The following MRAP variants were observed in gnomAD, a reference collection of about 807,000 sequenced individuals.
The protein encoded by MRAP is melanocortin 2 receptor accessory protein, also known as melanocortin-2 receptor accessory protein.
MRAP carries 8 observed loss-of-function variants against 8.7 expected under a neutral mutation model. That is an observed-to-expected ratio of 0.92 (90% CI 0.54 to 1.66). The LOEUF (loss-of-function observed/expected upper bound fraction) is 1.66. MRAP is among the 40% of genes most tolerant of loss of function. The pLI is 0.00. For missense variants in MRAP, 237 were observed against 217.1 expected (o/e 1.09, Z -0.58); for synonymous variants, 95 against 95.5 (o/e 1.00, Z 0.03).
chr21:32,311,242 A>C, intron 2 of MRAP: 1 of 171,854 alleles, frequency 5.8e-6, no homozygotes, highest in Admixed American at 5.6e-5. Flanking sequence ...ATTACCTCCC[A>C]CTGGGTCCTT....
At chr21:32,296,677 A>G (rs2032145280), upstream of MRAP, among the ~76,000 whole-genome samples, 1 of 152,256 alleles carries the variant, frequency 6.6e-6, no homozygotes, top group African/African-American at 2.4e-5. Flanking sequence ...TTATAACACA[A>G]TGGTAAGGAT....
At chr21:32,291,988 C>T (rs2032057598) in intron 1 of MRAP, 1 of 152,136 alleles carries the variant, frequency 6.6e-6, no homozygotes, top group African/African-American at 2.4e-5. Flanking sequence ...ACTTCAGAGA[C>T]ACATCTCCCA....
At position 32,298,949 on chromosome 21, in the gene MRAP, G is replaced by A. The variant is rs764251414; in HGVS notation, c.-23G>A. ...TCGAGGCGAGGCTGCCGGCCCGGAC[G>A]CTGACTGCCCAGTGCCACAGACATG... On this transcript the variant is annotated 5_prime_UTR_variant, in exon 1 of 3. Coordinates refer to ENST00000303645, the MANE Select transcript of MRAP (RefSeq NM_001379228.1). 16 of 1,586,232 alleles carry A rather than the reference G, an allele frequency of 1.0e-5. No individual in the cohort carries two copies. The highest frequency in any genetic ancestry group is 4.0e-5 in the African/African-American group (3 of 74,354).
At chr21:32,301,471 T>G (rs2032297458) in intron 1 of MRAP, among the ~76,000 whole-genome samples, 1 of 152,212 alleles carries the variant, frequency 6.6e-6, no homozygotes, top group Non-Finnish European at 1.5e-5. Flanking sequence ...ATCGTAAGTT[T>G]CCTGAGGTCT....
Position 32,312,178 on chromosome 21 carries a change from A to G in MRAP, c.*182A>G. ...GATTGCAGTGGCCCCTCGAGTGCAGAGGTCATCCCAGGTGTTGCTGAGTTT... is the reference window on the plus strand; with the variant it reads ...GATTGCAGTGGCCCCTCGAGTGCAGGGGTCATCCCAGGTGTTGCTGAGTTT... On this transcript the variant is annotated 3_prime_UTR_variant, in exon 3 of 3. Coordinates refer to ENST00000303645, the MANE Select transcript of MRAP (RefSeq NM_001379228.1). 6.6e-7 allele frequency: 1 copy of G among 1,504,226 alleles called. No individual in the cohort carries two copies. The highest frequency in any genetic ancestry group is 8.8e-7 in the Non-Finnish European group (1 of 1,130,098). The allele number at this position is 1,504,226 out of a possible 1,614,324, so 93.2% of individuals were successfully genotyped here.
chr21:32,308,653 TCACCCGAAGAGGGCCTGTCCAGTGGCTGG>T lies in MRAP; in HGVS notation c.206+1916_206+1944del, dbSNP rs1204833686. On this transcript the variant is annotated intron_variant, in intron 2 of 2. Transcript: ENST00000303645. ...GAGGGACCCTATATTTTGCCATCGC[TCACCCGAAGAGGGCCTGTCCAGTGGCTGG>T]CCCATGCCCTTGGAAACGTGTGCCC... 8 of 152,834 alleles carry T rather than the reference TCACCCGAAGAGGGCCTGTCCAGTGGCTGG, an allele frequency of 5.2e-5. 1 individual carries two copies. The East Asian group carries it at 1.5e-3, about 30-fold the overall frequency. The allele number at this position is 152,834 out of a possible 1,614,324, so 9.5% of individuals were successfully genotyped here.
At chr21:32,293,787 ATATAAG>A (rs1333890827) in intron 2 of MRAP, among the ~76,000 whole-genome samples, 2 of 152,254 alleles carry the variant, frequency 1.3e-5, no homozygotes, top group East Asian at 1.9e-4. Context: ...GTATTTGTTA[ATATAAG>A]TATGTCATTA....
chr21:32,295,555 C>T (rs113822671), upstream of MRAP, among the ~76,000 whole-genome samples: 7,090 of 152,196 alleles, frequency 0.047, 228 homozygotes, highest in Non-Finnish European at 0.073. Context: ...GATGTTTGCC[C>T]GACACTCCTG....
upstream of MRAP, among the ~76,000 whole-genome samples, chr21:32,295,030 T>C (rs2032115744): frequency 6.6e-6 from 1 of 151,438 alleles, no homozygotes; most frequent in Non-Finnish European, 1.5e-5. Flanking sequence ...AATATAGTAT[T>C]CTATCCAAGG....
At chr21:32,303,470 C>A (rs763388775) in intron 1 of MRAP, among the ~76,000 whole-genome samples, 1 of 152,234 alleles carries the variant, frequency 6.6e-6, no homozygotes, top group Admixed American at 6.5e-5. Context: ...CCTGGCCATG[C>A]CATCCAGAAC....
chr21:32,306,771 A>G, intron 2 of MRAP, 32 bp downstream of exon 2: 2 of 1,528,152 alleles, frequency 1.3e-6, no homozygotes, highest in Non-Finnish European at 1.8e-6. Context: ...TCTGTGGGTC[A>G]CTCAGACGCT....
chr21:32,304,510 G>T (rs1257077885), intron 1 of MRAP, among the ~76,000 whole-genome samples: 6 of 152,018 alleles, frequency 3.9e-5, no homozygotes. Context: ...AGCTACTCGG[G>T]AGGCTGAGGC....
chr21:32,308,489 C>G (rs1454288171), intron 2 of MRAP: 1 of 152,670 alleles, frequency 6.6e-6, no homozygotes, highest in Admixed American at 6.5e-5. Flanking sequence ...AGGTGAAATC[C>G]AGGAGTTTTA....
chr21:32,307,642 C>G (rs1449538015), intron 2 of MRAP, among the ~76,000 whole-genome samples: 2 of 151,780 alleles, frequency 1.3e-5, no homozygotes, highest in Non-Finnish European at 2.9e-5. Context: ...CTGCTGTAAT[C>G]CCAGCACCTT....
rs761106555 is a variant in MRAP at position 32,311,753 on chromosome 21, G to A, written c.276G>A (p.Lys92=). Residue 92 remains lysine (K), a synonymous_variant, in exon 3 of 3, where the codon AAG becomes AAA. Transcript: ENST00000303645. ...HGLNLHLCIQ[K]CLPCHREPLA... The stretch of plus-strand genomic sequence containing the variant: ...TCAACCTCCACCTCTGCATCCAGAA[G>A]TGCCTGCCGTGCCACAGGGAACCCC... The A allele has an allele frequency of 6.2e-7, 1 of 1,614,122 alleles. No individual in the cohort carries two copies. Among genetic ancestry groups the A allele is most frequent in the Non-Finnish European group, 8.5e-7 (1 of 1,180,008 alleles).
intron 1 of MRAP, among the ~76,000 whole-genome samples, chr21:32,301,907 T>C (rs909140060): frequency 2.0e-5 from 3 of 152,176 alleles, no homozygotes; most frequent in Non-Finnish European, 2.9e-5. Context: ...ATGTAGAAAA[T>C]TCAAAGTATA....
At chr21:32,302,271 C>A (rs1460358186) in intron 1 of MRAP, among the ~76,000 whole-genome samples, 2 of 152,252 alleles carry the variant, frequency 1.3e-5, no homozygotes, top group African/African-American at 4.8e-5. Context: ...TTGATACCAT[C>A]TGGATGTCAT....
upstream of MRAP, among the ~76,000 whole-genome samples, chr21:32,295,988 A>G (rs1461366630): frequency 6.6e-6 from 1 of 152,134 alleles, no homozygotes; most frequent in Non-Finnish European, 1.5e-5. Context: ...AAAACAAAAC[A>G]AAACAAAACA....
chr21:32,298,444 C>T (rs1321985273), upstream of MRAP, among the ~76,000 whole-genome samples: 5 of 152,170 alleles, frequency 3.3e-5, no homozygotes, highest in Non-Finnish European at 4.4e-5. Flanking sequence ...TGGCATCACT[C>T]GATTTCTGCC....
Sources: allele counts gnomAD v4.1 joint callset (sites outside exome capture counted in the v4.1 genomes callset), GRCh38; gene constraint gnomAD v4.1.1; transcripts MANE v1.5; gene names NCBI Gene and HGNC (gene_info 2026-07-23, HGNC 2026-07-21).